The following CDH4 variants were observed in gnomAD, a reference collection of about 807,000 sequenced individuals.
CDH4 encodes the protein cadherin-4.
Under a neutral mutation model 86.0 loss-of-function variants are expected in CDH4, and 33 were observed. That is an observed-to-expected ratio of 0.38 (90% CI 0.29 to 0.51). The LOEUF (loss-of-function observed/expected upper bound fraction) is 0.51. CDH4 is among the 20% of genes least tolerant of loss of function. The pLI, the probability that CDH4 is intolerant of heterozygous loss-of-function variation, is 0.86. For missense variants in CDH4, 1,114 were observed against 1,307.4 expected, an observed-to-expected ratio of 0.85 and a Z score of 2.28; for synonymous variants, 555 against 549.4, an observed-to-expected ratio of 1.01 and a Z score of -0.14.
intron 2 of CDH4, among the ~76,000 whole-genome samples, chr20:61,613,223 C>G (rs1280685760): frequency 8.5e-5 from 13 of 152,090 alleles, no homozygotes; most frequent in Non-Finnish European, 4.4e-5. Flanking sequence ...AGTCTTTACC[C>G]AAGTGCTTCA....
rs887581130 is a variant in CDH4 at position 61,676,620 on chromosome 20, G to A, written c.170-66943G>A. ...TGCACCCAGCCAGGGTTCACTGAGT[G>A]TACCTGGCATTCTCTCAATTCTCTG... On this transcript the variant is annotated intron_variant, in intron 2 of 15. Coordinates refer to ENST00000614565, the MANE Select transcript of CDH4 (RefSeq NM_001794.5). This position sits in a 1 kb window ranked among gnomAD's most constrained non-coding sequence, Gnocchi z 4.5. 2.6e-5 allele frequency among the ~76,000 whole-genome samples: 4 copies of A among 152,106 alleles called. No individual in the cohort carries two copies. The highest frequency in any genetic ancestry group is 9.7e-5 in the African/African-American group (4 of 41,414).
intron 2 of CDH4, among the ~76,000 whole-genome samples, chr20:61,530,009 T>A (rs1245681862): frequency 6.6e-6 from 1 of 151,858 alleles, no homozygotes; most frequent in Non-Finnish European, 1.5e-5. Context: ...GGCTAATTTA[T>A]TTGTTTTTGT....
At chr20:61,526,412 G>A (rs941543543) in intron 2 of CDH4, among the ~76,000 whole-genome samples, 1 of 152,106 alleles carries the variant, frequency 6.6e-6, no homozygotes, top group Non-Finnish European at 1.5e-5. Flanking sequence ...CCTCACAGGA[G>A]CAGGATGTCT....
intron 2 of CDH4, among the ~76,000 whole-genome samples, chr20:61,581,908 C>T (rs543224356): frequency 1.6e-4 from 25 of 152,296 alleles, no homozygotes; most frequent in African/African-American, 4.1e-4. Context: ...TCTCCCCAGC[C>T]GGTAGACCTG....
chr20:61,888,340 C>G (rs1175416191), intron 7 of CDH4, among the ~76,000 whole-genome samples: 1 of 152,196 alleles, frequency 6.6e-6, no homozygotes, highest in Non-Finnish European at 1.5e-5. Flanking sequence ...CAGCCTCCTA[C>G]CTAGAGGCAG....
intron 2 of CDH4, among the ~76,000 whole-genome samples, chr20:61,403,103 T>C (rs945164356): frequency 6.6e-6 from 1 of 152,178 alleles, no homozygotes; most frequent in Non-Finnish European, 1.5e-5. Flanking sequence ...TCTCCCTTTC[T>C]CCTTTTTCCT....
chr20:61,466,074 T>C (rs191778575), intron 2 of CDH4, among the ~76,000 whole-genome samples: 17 of 152,172 alleles, frequency 1.1e-4, no homozygotes, highest in Admixed American at 2.6e-4. Context: ...GTGGATTGCA[T>C]AGAATGTGTT....
At chr20:61,270,820 C>A (rs1189997212) in intron 2 of CDH4, among the ~76,000 whole-genome samples, 1 of 151,994 alleles carries the variant, frequency 6.6e-6, no homozygotes, top group African/African-American at 2.4e-5. Context: ...AGTGATGGCA[C>A]CTTTGCGGGG....
intron 3 of CDH4, among the ~76,000 whole-genome samples, chr20:61,763,110 C>T (rs982190317): frequency 2.0e-5 from 3 of 152,232 alleles, no homozygotes; most frequent in Admixed American, 6.5e-5. Flanking sequence ...GATGCCACCA[C>T]CGCCATCTGT....
chr20:61,652,602 C>T (rs1364323566), intron 2 of CDH4, among the ~76,000 whole-genome samples: 3 of 152,076 alleles, frequency 2.0e-5, no homozygotes, highest in Non-Finnish European at 4.4e-5. Context: ...TCTGAGGTCA[C>T]GATGCATGGA....
intron 2 of CDH4, among the ~76,000 whole-genome samples, chr20:61,478,000 A>G (rs754124254): frequency 3.2e-4 from 48 of 152,214 alleles, no homozygotes; most frequent in Admixed American, 5.2e-4. Context: ...AGATGTAAAT[A>G]TAACTTCGGT....
intron 2 of CDH4, among the ~76,000 whole-genome samples, chr20:61,541,261 G>A (rs1347341617): frequency 1.3e-5 from 2 of 152,124 alleles, no homozygotes; most frequent in African/African-American, 4.8e-5. Context: ...GTGCATTAAC[G>A]TGCGGAGAAC....
At chr20:61,854,047 C>T (rs1227221567) in intron 6 of CDH4, among the ~76,000 whole-genome samples, 2 of 152,182 alleles carry the variant, frequency 1.3e-5, no homozygotes, top group African/African-American at 2.4e-5. Context: ...ATCTGAACTT[C>T]GAGTTTAATG....
At chr20:61,815,772 TGAAACTGTTAATCCTA>T (rs1980684567) in intron 4 of CDH4, among the ~76,000 whole-genome samples, 1 of 152,202 alleles carries the variant, frequency 6.6e-6, no homozygotes, top group Admixed American at 6.5e-5. Flanking sequence ...TTTAAATCTT[TGAAACTGTTAATCCTA>T]GATTATCAAA....
intron 6 of CDH4, among the ~76,000 whole-genome samples, chr20:61,855,903 G>A (rs754565254): frequency 1.3e-5 from 2 of 152,196 alleles, no homozygotes; most frequent in Non-Finnish European, 2.9e-5. Flanking sequence ...CTGGGGGATC[G>A]GGAGTCTGTC....
chr20:61,316,243 C>A (rs2084475589), intron 2 of CDH4, among the ~76,000 whole-genome samples: 1 of 152,218 alleles, frequency 6.6e-6, no homozygotes, highest in Non-Finnish European at 1.5e-5. Context: ...CTTGACAGAT[C>A]TGCATTTTTC....
chr20:61,574,780 G>A (rs2086370351), intron 2 of CDH4, among the ~76,000 whole-genome samples: 1 of 152,090 alleles, frequency 6.6e-6, no homozygotes, highest in South Asian at 2.1e-4. Context: ...GTGGGCTCTG[G>A]ACCCCTTATA....
At position 61,776,201 on chromosome 20, in the gene CDH4, A is replaced by C. The variant is rs531150760; in HGVS notation, c.576+3019A>C. Among the ~76,000 whole-genome samples the C allele has an allele frequency of 3.3e-5, 5 of 152,350 alleles. No homozygotes were observed. In the South Asian group the frequency reaches 1.0e-3, roughly 32 times the overall value. The stretch of plus-strand genomic sequence containing the variant: ...CCACATCTGAATGCCCTGATGGGGA[A>C]CATGGCTTTCCAATTTGCAGCAGGG... On this transcript the variant is annotated intron_variant, in intron 4 of 15. Coordinates refer to ENST00000614565, the MANE Select transcript of CDH4 (RefSeq NM_001794.5).
intron 2 of CDH4, among the ~76,000 whole-genome samples, chr20:61,495,624 C>T (rs961548200): frequency 3.3e-5 from 5 of 152,102 alleles, no homozygotes; most frequent in African/African-American, 1.2e-4. Context: ...CTGGGCAGGC[C>T]GGGCACTGTG....
Sources: allele counts gnomAD v4.1 joint callset (sites outside exome capture counted in the v4.1 genomes callset), GRCh38; gene constraint gnomAD v4.1.1; non-coding constraint Gnocchi (gnomAD v3.1); transcripts MANE v1.5; gene names NCBI Gene and HGNC (gene_info 2026-07-23, HGNC 2026-07-21).